Variants in LONRF2 observed in about 807,000 individuals in gnomAD.
The protein encoded by LONRF2 is LON peptidase N-terminal domain and ring finger 2.
LONRF2 carries 35 observed loss-of-function variants against 66.6 expected under a neutral mutation model. That is an observed-to-expected ratio of 0.53 (90% CI 0.40 to 0.70). The LOEUF is 0.70. LONRF2 is among the 30% of genes least tolerant of loss of function. The pLI, the probability that LONRF2 is intolerant of heterozygous loss-of-function variation, is 0.00. For synonymous variants in LONRF2, 417 were observed against 418.1 expected (o/e 1.00, Z 0.03); for missense variants, 902 against 1,002.1 (o/e 0.90, Z 1.35).
rs963855904 is a variant in LONRF2, at chr2:100,276,610, T to C, written c.*7688A>G. The C allele has an allele frequency of 6.6e-6, 1 of 152,152 alleles. No individual in the cohort carries two copies. Among genetic ancestry groups the C allele is most frequent in the African/African-American group, 2.4e-5 (1 of 41,434 alleles). The allele number at this position is 152,152 out of a possible 1,614,324, so 9.4% of individuals were successfully genotyped here. A position where few individuals can be genotyped will look rare whatever the true frequency, so the allele number is the denominator to read the frequency against. ...GGTGATTATACCCTTGTTTCTCCAT[T>C]GAACAGCCCAATCTTTCCTATCCTT... is the stretch of plus-strand genomic sequence containing the variant. On this transcript the variant is annotated 3_prime_UTR_variant, in exon 12 of 12. Transcript: ENST00000393437.
rs1175412160 is a variant in LONRF2 at position 100,311,249 on chromosome 2, A to G, written c.680-2024T>C. On this transcript the variant is annotated intron_variant, in intron 1 of 11. Transcript: ENST00000393437. ...CACACAGTTAAATGCATTTTGAAAT[A>G]TACAATTCTCCTTTGGAGATTTCCA... Among the ~76,000 whole-genome samples, 6 of 152,186 alleles carry G rather than the reference A, an allele frequency of 3.9e-5. No homozygotes were observed. In the East Asian group the frequency reaches 5.8e-4, roughly 15 times the overall value.
chr2:100,284,469 C>A lies in LONRF2; in HGVS notation c.2094G>T (p.Trp698Cys), dbSNP rs1674804190. 3 of 1,598,594 alleles carry A rather than the reference C, an allele frequency of 1.9e-6. No individual in the cohort carries two copies. Among genetic ancestry groups the A allele is most frequent in the Non-Finnish European group, 2.6e-6 (3 of 1,172,808 alleles). The change falls in exon 12 of 12, where the codon TGG becomes TGT. Residue 698 changes from tryptophan (W) to cysteine (C), a missense_variant. This residue lies in a region of LONRF2 where 317 missense variants were observed against 432.2 expected (regional missense o/e 0.73). Transcript: ENST00000393437. Reference sequence around the variant, plus strand: ...GCAGCACGGCCAGGATCCACCAGGACCAGGCAGGGCCGCTGGGATTACTCT... The same window carrying A: ...GCAGCACGGCCAGGATCCACCAGGAACAGGCAGGGCCGCTGGGATTACTCT... ...EPQSNPSGPA[W>C]SWWILAVLPL...
chr2:100,299,081 T>C (rs1675126977), intron 6 of LONRF2, 131 bp from the exon 7 acceptor site: 1 of 873,612 alleles, frequency 1.1e-6, no homozygotes, highest in South Asian at 1.7e-5. Flanking sequence ...TTTCATTTTA[T>C]ATCTTATTAA....
chr2:100,321,819 G>T lies in LONRF2; in HGVS notation c.275C>A (p.Pro92Gln). 9.1e-7 allele frequency: 1 copy of T among 1,101,758 alleles called. No homozygotes were observed. The highest frequency in any genetic ancestry group is 3.8e-5 in the South Asian group (1 of 26,470). 68.2% of individuals were successfully genotyped at this position (1,101,758 alleles called of 1,614,324 possible). ...GCCCGCCAGCTCTTCCAGCTCCTCC[G>T]GCCGCAGCGCCCCGAGCCGCGCGGC... Reference protein sequence around the residue: ...RGAARLGALRPEELEELAGGL... With the variant: ...RGAARLGALRQEELEELAGGL... Residue 92 changes from proline to glutamine, a missense_variant, in exon 1 of 12, where the codon CCG becomes CAG. By Grantham distance (76) the Pro-to-Gln change is moderately conservative. Transcript: ENST00000393437.
chr2:100,311,106 A>T (rs950104773), intron 1 of LONRF2, among the ~76,000 whole-genome samples: 6 of 152,306 alleles, frequency 3.9e-5, no homozygotes, highest in Admixed American at 3.9e-4. Flanking sequence ...TTTTAAATTG[A>T]GCATTTTAAT....
In LONRF2 at chr2:100,321,823, G is replaced by A. The variant is rs1260014092; in HGVS notation, c.271C>T (p.Arg91Trp). ...FRGAARLGAL[R>W]PEELEELAGG... The stretch of plus-strand genomic sequence containing the variant: ...GCCAGCTCTTCCAGCTCCTCCGGCC[G>A]CAGCGCCCCGAGCCGCGCGGCGCCG... The change falls in exon 1 of 12, where the codon CGG becomes TGG. Residue 91 changes from arginine (R) to tryptophan (W), a missense_variant. Transcript: ENST00000393437. The A allele has an allele frequency of 2.7e-6, 3 of 1,109,718 alleles. No homozygotes were observed. The highest frequency in any genetic ancestry group is 7.6e-5 in the South Asian group (2 of 26,342). 68.7% of individuals were successfully genotyped at this position (1,109,718 alleles called of 1,614,324 possible).
At position 100,284,024 on chromosome 2, in the gene LONRF2, A is replaced by G; in HGVS notation, c.*274T>C. On this transcript the variant is annotated 3_prime_UTR_variant, in exon 12 of 12. Transcript: ENST00000393437. ...TCTGCAGGGTCCTGTGCTGTCAGTG[A>G]ACTGCATTCCCCAAGCACCTGCTTC... is the stretch of plus-strand genomic sequence containing the variant. The G allele has an allele frequency of 3.0e-6, 1 of 335,234 alleles. No individual in the cohort carries two copies. The highest frequency in any genetic ancestry group is 8.3e-4 in the Middle Eastern group (1 of 1,212). 20.8% of individuals were successfully genotyped at this position (335,234 alleles called of 1,614,324 possible).
Position 100,286,925 on chromosome 2 carries a change from G to A in LONRF2, c.2059C>T (p.Pro687Ser), listed in dbSNP as rs777325559. The change falls in exon 11 of 12, where the codon CCT becomes TCT. Residue 687 changes from proline (P) to serine (S), a missense_variant. By Grantham distance (74) the Pro-to-Ser change is moderately conservative. Coordinates refer to ENST00000393437, the MANE Select transcript of LONRF2 (RefSeq NM_198461.4). ...SHFGVMPDRE[P>S]EPQSNPSGPA... ...AAGGGAGGGCATACCTGAGGCTCAG[G>A]TTCTCTGTCTGGCATTACCCCAAAA... The A allele has an allele frequency of 6.2e-7, 1 of 1,613,720 alleles. No individual in the cohort carries two copies. The highest frequency in any genetic ancestry group is 1.3e-5 in the African/African-American group (1 of 74,882).
At chr2:100,305,554 T>C (rs1038590249) in intron 2 of LONRF2, among the ~76,000 whole-genome samples, 2 of 152,170 alleles carry the variant, frequency 1.3e-5, no homozygotes, top group African/African-American at 4.8e-5. Flanking sequence ...GTGCCCAGGT[T>C]CCATCTCCAG....
rs897986686 is a variant in LONRF2, at chr2:100,321,433, C to T, written c.661G>A (p.Asp221Asn). Residue 221 changes from aspartate (D) to asparagine (N), a missense_variant, in exon 1 of 12, where the codon GAC (aspartate) becomes AAC (asparagine). This residue lies in a region of LONRF2 where 585 missense variants were observed against 569.9 expected (regional missense o/e 1.03). Coordinates refer to ENST00000393437, the MANE Select transcript of LONRF2 (RefSeq NM_198461.4). ...GACTCACCCAGCTCCAGGGCCTGGT[C>T]GCACCTGAGCAGCGCGGCCTCCGGC... ...QQPEAALLRC[D>N]QALELAPDDN... is the part of the protein sequence containing the mutation. 30 of 1,485,338 alleles carry T rather than the reference C, an allele frequency of 2.0e-5. No individual in the cohort carries two copies. The highest frequency in any genetic ancestry group is 1.5e-4 in the African/African-American group (10 of 68,620). The allele number at this position is 1,485,338 out of a possible 1,614,324, so 92.0% of individuals were successfully genotyped here. A position where few individuals can be genotyped will look rare whatever the true frequency, so the allele number is the denominator to read the frequency against.
chr2:100,309,151 G>A lies in LONRF2; in HGVS notation c.754C>T (p.Gln252Ter). The change falls in exon 2 of 12, where the codon CAA (glutamine) becomes TAA (stop). Residue 252 changes from glutamine (Q) to a stop codon, truncating the protein, a stop_gained. Coordinates refer to ENST00000393437, the MANE Select transcript of LONRF2 (RefSeq NM_198461.4). LOFTEE classifies it high-confidence loss of function. The part of the protein sequence containing the change: ...LTMKNYEQAL[Q>*]DASAACQNEP... ...TTCTGACAAGCTGCACTGGCATCTTGGAGAGCTTGCTCATAGTTCTTCATG... is the reference window on the plus strand; with the variant it reads ...TTCTGACAAGCTGCACTGGCATCTTAGAGAGCTTGCTCATAGTTCTTCATG... 1 of 1,606,624 alleles carries A rather than the reference G, an allele frequency of 6.2e-7. No individual in the cohort carries two copies. The highest frequency in any genetic ancestry group is 8.5e-7 in the Non-Finnish European group (1 of 1,177,426).
At chr2:100,307,778 A>G (rs1039825026) in intron 2 of LONRF2, among the ~76,000 whole-genome samples, 1 of 152,352 alleles carries the variant, frequency 6.6e-6, no homozygotes, top group Non-Finnish European at 1.5e-5. Context: ...GGTAATGCAT[A>G]TGTTAATTAA....
intron 11 of LONRF2, among the ~76,000 whole-genome samples, chr2:100,285,814 G>C (rs1674834090): frequency 6.6e-6 from 1 of 152,194 alleles, no homozygotes; most frequent in South Asian, 2.1e-4. Context: ...TCATAGTCTG[G>C]CCTGCAGAAC....
rs1675170227 is a variant in LONRF2 at position 100,300,787 on chromosome 2, C to T, written c.922G>A (p.Val308Ile). ...GCTGAAAACAGCACTTCACACATTA[C>T]CTATAAAATTGCCAAGAAAAGAAAA... ...CNSVKKEAQKVMCEVLFSATA... is the reference protein window; with the variant it reads ...CNSVKKEAQKIMCEVLFSATA... Residue 308 changes from valine to isoleucine, a missense_variant and splice_region_variant, in exon 4 of 12, where the codon GTA becomes ATA. Transcript: ENST00000393437. 1 of 1,576,474 alleles carries T rather than the reference C, an allele frequency of 6.3e-7. No homozygotes were observed. The highest frequency in any genetic ancestry group is 2.3e-5 in the East Asian group (1 of 44,322).
chr2:100,317,241 C>A (rs995133), intron 1 of LONRF2, among the ~76,000 whole-genome samples: 13,293 of 151,982 alleles, frequency 0.087, 1,827 homozygotes, highest in African/African-American at 0.3. Context: ...TCTTCCCTCC[C>A]ATTTTCTTTT....
rs1034536733 is a variant in LONRF2 at position 100,322,359 on chromosome 2, A to T, written c.-266T>A. The T allele has an allele frequency of 3.4e-6, 1 of 294,458 alleles. No homozygotes were observed. Among genetic ancestry groups the T allele is most frequent in the South Asian group, 1.6e-4 (1 of 6,152 alleles). The allele number at this position is 294,458 out of a possible 1,614,324, so 18.2% of individuals were successfully genotyped here. A position where few individuals can be genotyped will look rare whatever the true frequency, so the allele number is the denominator to read the frequency against. ...GGCCGGGACAGGCACCGCGGGCGCA[A>T]TCTGAGCCCCTGCCCACGCGCAGCG... On this transcript the variant is annotated 5_prime_UTR_variant, in exon 1 of 12. In the 5' UTR this introduces an upstream ATG that the reference lacks. Coordinates refer to ENST00000393437, the MANE Select transcript of LONRF2 (RefSeq NM_198461.4).
Position 100,273,585 on chromosome 2 carries a change from A to G in LONRF2, c.*10713T>C, listed in dbSNP as rs1674539720. The G allele has an allele frequency of 6.6e-6, 1 of 152,256 alleles. No individual in the cohort carries two copies. Among genetic ancestry groups the G allele is most frequent in the Non-Finnish European group, 1.5e-5 (1 of 68,050 alleles). The allele number at this position is 152,256 out of a possible 1,614,324, so 9.4% of individuals were successfully genotyped here. Reference sequence around the variant, plus strand: ...TTTCGTCTCACTTAGGCAACAAGAAATGCTGAGTAGTATTATTACATATTC... The same window carrying G: ...TTTCGTCTCACTTAGGCAACAAGAAGTGCTGAGTAGTATTATTACATATTC... On this transcript the variant is annotated 3_prime_UTR_variant, in exon 12 of 12. Coordinates refer to ENST00000393437, the MANE Select transcript of LONRF2 (RefSeq NM_198461.4).
chr2:100,316,725 GT>G (rs1675516051), intron 1 of LONRF2, among the ~76,000 whole-genome samples: 1 of 152,192 alleles, frequency 6.6e-6, no homozygotes, highest in Non-Finnish European at 1.5e-5. Context: ...GCTGAAGTAT[GT>G]TGTATCTATA....
rs778460383 is a variant in LONRF2, at chr2:100,321,502, G to T, written c.592C>A (p.Arg198Ser). The change falls in exon 1 of 12, where the codon CGC (arginine) becomes AGC (serine). Residue 198 changes from arginine to serine, a missense_variant. Physicochemically the swap from Arg to Ser is moderately radical, Grantham distance 110 (BLOSUM62 -1). Around this residue, in one of 2 missense-constraint regions of LONRF2, gnomAD observed 585 missense variants for 569.9 expected, o/e 1.03. Transcript: ENST00000393437. Reference sequence around the variant, plus strand: ...CTCCGCGCCTGGCCTGCCAGCCTGCGCAGCCGGCACTCGGCCGGGAAGCAC... The same window carrying T: ...CTCCGCGCCTGGCCTGCCAGCCTGCTCAGCCGGCACTCGGCCGGGAAGCAC... ...EKCFPAECRL[R>S]RLAGQARSLQ... 2.6e-6 allele frequency: 4 copies of T among 1,543,330 alleles called. No homozygotes were observed. Among genetic ancestry groups the T allele is most frequent in the African/African-American group, 1.4e-5 (1 of 70,158 alleles).
Sources: allele counts gnomAD v4.1 joint callset (sites outside exome capture counted in the v4.1 genomes callset), GRCh38; gene constraint gnomAD v4.1.1; regional missense constraint gnomAD v4.1.1; transcripts MANE v1.5; gene names NCBI Gene and HGNC (gene_info 2026-07-23, HGNC 2026-07-21).